The following ANKFN1 variants were observed in gnomAD, a reference collection of about 807,000 sequenced individuals.
ANKFN1 encodes the protein ankyrin repeat and fibronectin type III domain containing 1.
A neutral mutation model predicts 108.7 loss-of-function variants in ANKFN1; 74 were observed. That is an observed-to-expected ratio of 0.68 (90% CI 0.56 to 0.83). The LOEUF (loss-of-function observed/expected upper bound fraction) is 0.83, where lower values mean the gene tolerates loss of function less well. Ranked by LOEUF, ANKFN1 falls within the 40% of genes least tolerant of loss-of-function variation. The probability of loss-of-function intolerance (pLI) is 0.00; values close to 1 mark genes in which losing one functional copy is unlikely to be tolerated. For missense variants in ANKFN1, 1,505 were observed against 1,382.3 expected (o/e 1.09, Z -1.41); for synonymous variants, 547 against 516.2 (o/e 1.06, Z -0.81).
chr17:56,203,713 A>G (rs777075842), intron 1 of ANKFN1, among the ~76,000 whole-genome samples: 1 of 152,234 alleles, frequency 6.6e-6, no homozygotes, highest in Non-Finnish European at 1.5e-5. Context: ...ATTCATGTAC[A>G]AACGAGTCAG....
intron 14 of ANKFN1, 122 bp downstream of exon 14, chr17:56,458,101 T>A: frequency 1.3e-6 from 1 of 783,946 alleles, no homozygotes; most frequent in Admixed American, 2.7e-5. Flanking sequence ...CCCCTAAGAA[T>A]ATGAAGTTTT....
At chr17:56,096,544 G>C (rs1433250475) in intron 4 of ANKFN1, among the ~76,000 whole-genome samples, 1 of 152,138 alleles carries the variant, frequency 6.6e-6, no homozygotes, top group Non-Finnish European at 1.5e-5. Context: ...GATAATGGAA[G>C]AGGAACAACA....
Position 56,504,097 on chromosome 17 carries a change from C to A in ANKFN1, c.2644+4999C>A, listed in dbSNP as rs377168303. ...ATCCTGGAGATTTTCCCAGACTGTT[C>A]TGGGAGGGGTATCCCACTCTAAGCA... On this transcript the variant is annotated intron_variant, in intron 20 of 20. Transcript: ENST00000682825. Among the ~76,000 whole-genome samples, 5 of 152,338 alleles carry A rather than the reference C, an allele frequency of 3.3e-5. No homozygotes were observed. The East Asian group carries it at 7.7e-4, about 24-fold the overall frequency.
chr17:56,204,694 G>C (rs1229403706), intron 1 of ANKFN1, among the ~76,000 whole-genome samples: 1 of 152,128 alleles, frequency 6.6e-6, no homozygotes, highest in Non-Finnish European at 1.5e-5. Context: ...TCATAATATA[G>C]ACATTTCAAA....
At chr17:56,308,920 A>T (rs2044926285) in intron 3 of ANKFN1, among the ~76,000 whole-genome samples, 2 of 152,156 alleles carry the variant, frequency 1.3e-5, no homozygotes, top group African/African-American at 4.8e-5. Context: ...AATAAACACC[A>T]CTTTGTCCTG....
At chr17:56,154,031 AT>A (rs34355832) in intron 1 of ANKFN1, among the ~76,000 whole-genome samples, 3 of 148,700 alleles carry the variant, frequency 2.0e-5, no homozygotes, top group Admixed American at 6.7e-5. Flanking sequence ...TTGGAAGTGG[AT>A]TTTTTTTTTG....
chr17:56,071,967 A>G (rs943222845), intron 4 of ANKFN1, among the ~76,000 whole-genome samples: 10 of 152,232 alleles, frequency 6.6e-5, no homozygotes, highest in Non-Finnish European at 1.2e-4. Context: ...GCACAGCAAG[A>G]GACCAGGGAT....
Position 56,457,335 on chromosome 17 carries a change from A to C in ANKFN1, c.1386A>C (p.Glu462Asp). 1 of 1,609,184 alleles carries C rather than the reference A, an allele frequency of 6.2e-7. No homozygotes were observed. The change falls in exon 13 of 21, where the codon GAA becomes GAC. Residue 462 changes from glutamate (E) to aspartate (D), a missense_variant. Glu to Asp is a conservative substitution (Grantham distance 45). Transcript: ENST00000682825. ...VTNEDQVPIV[E>D]IDDSHTSSIT... ...ATGAAGATCAAGTACCAATTGTTGA[A>C]ATAGATGACTCTCACACCAGTTCTA...
chr17:56,440,856 C>T (rs1410353120), intron 9 of ANKFN1, among the ~76,000 whole-genome samples: 2 of 151,812 alleles, frequency 1.3e-5, no homozygotes, highest in African/African-American at 4.8e-5. Context: ...CACATAATTT[C>T]CTGAGAGAAA....
chr17:56,507,436 A>AT (rs2051605570), intron 20 of ANKFN1, among the ~76,000 whole-genome samples: 1 of 151,916 alleles, frequency 6.6e-6, no homozygotes, highest in African/African-American at 2.4e-5. Flanking sequence ...GGTGCTCACA[A>AT]TTGATCACCC....
At chr17:56,146,869 G>A (rs1908293596) in intron 4 of ANKFN1, among the ~76,000 whole-genome samples, 1 of 152,190 alleles carries the variant, frequency 6.6e-6, no homozygotes, top group Non-Finnish European at 1.5e-5. Context: ...CAACCAGCTT[G>A]AATTTCTCCC....
intron 5 of ANKFN1, 34 bp downstream of exon 5, chr17:56,351,001 G>A: frequency 6.3e-7 from 1 of 1,595,370 alleles, no homozygotes; most frequent in Non-Finnish European, 8.6e-7. Flanking sequence ...GTGTCAGTTT[G>A]ATTTATTCAT....
At chr17:56,320,081 A>AT (rs1386148077) in intron 3 of ANKFN1, among the ~76,000 whole-genome samples, 2 of 152,222 alleles carry the variant, frequency 1.3e-5, no homozygotes, top group East Asian at 3.8e-4. Context: ...TTCCTCATCG[A>AT]TAAAAAGTGG....
At position 56,341,861 on chromosome 17, in the gene ANKFN1, A is replaced by G. The variant is rs1049409419; in HGVS notation, c.189-8905A>G. Among the ~76,000 whole-genome samples the G allele has an allele frequency of 3.3e-5, 5 of 152,086 alleles. No homozygotes were observed. In the East Asian group the frequency reaches 9.7e-4, roughly 29 times the overall value. Reference sequence around the variant, plus strand: ...AAGTCCCTCCTTTGCAATTTTTTGGAATCGTTTCAGTAGGAACGATACCAG... The same window carrying G: ...AAGTCCCTCCTTTGCAATTTTTTGGGATCGTTTCAGTAGGAACGATACCAG... On this transcript the variant is annotated intron_variant, in intron 4 of 20. Coordinates refer to ENST00000682825, the MANE Select transcript of ANKFN1 (RefSeq NM_001370326.1).
intron 3 of ANKFN1, among the ~76,000 whole-genome samples, chr17:56,310,646 A>G (rs892769776): frequency 6.6e-6 from 1 of 152,082 alleles, no homozygotes; most frequent in Non-Finnish European, 1.5e-5. Flanking sequence ...AGAAAATTAC[A>G]AATTGGATAT....
chr17:56,185,652 A>G (rs929392556), intron 1 of ANKFN1, among the ~76,000 whole-genome samples: 2 of 152,216 alleles, frequency 1.3e-5, no homozygotes. Flanking sequence ...CCACAGAGTT[A>G]AAAACAATGT....
intron 6 of ANKFN1, among the ~76,000 whole-genome samples, chr17:56,372,280 A>C (rs1467332152): frequency 6.6e-6 from 1 of 152,184 alleles, no homozygotes; most frequent in South Asian, 2.1e-4. Context: ...TTTTGCCCCT[A>C]CATGTTTGTC....
chr17:56,065,631 G>A (rs1905047944), intron 4 of ANKFN1, among the ~76,000 whole-genome samples: 1 of 152,132 alleles, frequency 6.6e-6, no homozygotes, highest in Non-Finnish European at 1.5e-5. Context: ...TTGTGTCTCA[G>A]GGAATAAGAA....
At chr17:56,121,207 CTTGT>C (rs1906599259) in intron 4 of ANKFN1, among the ~76,000 whole-genome samples, 1 of 151,972 alleles carries the variant, frequency 6.6e-6, no homozygotes, top group Non-Finnish European at 1.5e-5. Flanking sequence ...GCGTGTTCTA[CTTGT>C]TTTTTTCTTG....
Sources: allele counts gnomAD v4.1 joint callset (sites outside exome capture counted in the v4.1 genomes callset), GRCh38; gene constraint gnomAD v4.1.1; transcripts MANE v1.5; gene names NCBI Gene and HGNC (gene_info 2026-07-23, HGNC 2026-07-21).